CACNA1F: variants seen among roughly 807,000 people sequenced by gnomAD.
The protein encoded by CACNA1F is voltage-dependent L-type calcium channel subunit alpha-1F.
Under a neutral mutation model 143.8 loss-of-function variants are expected in CACNA1F, and 59 were observed. That is an observed-to-expected ratio of 0.41 (90% CI 0.33 to 0.51). The LOEUF (loss-of-function observed/expected upper bound fraction) is 0.51. Ranked by LOEUF, CACNA1F falls within the 20% of genes least tolerant of loss-of-function variation. The pLI is 0.22. For synonymous variants in CACNA1F, 643 were observed against 649.1 expected (o/e 0.99, Z 0.14); for missense variants, 1,411 against 1,647.5 (o/e 0.86, Z 2.48).
rs369204563 is a variant in CACNA1F, at chrX:49,210,720, G to A, written c.4389-34C>T. On this transcript the variant is annotated intron_variant, in intron 37 of 47. Transcript: ENST00000323022. ...GTTGGGGAGGTACCACTGGATTGGC[G>A]ATGCCCCCACTAGCCCTTTCTCAAG... 3.7e-4 allele frequency: 413 copies of A among 1,101,543 alleles called. 4 individuals are homozygous for A. The South Asian group carries it at 6.1e-3, about 16-fold the overall frequency. The allele number at this position is 1,101,543 out of a possible 1,213,427, so 90.8% of individuals were successfully genotyped here. A position where few individuals can be genotyped will look rare whatever the true frequency, so the allele number is the denominator to read the frequency against.
Position 49,206,317 on chromosome X carries a change from C to A in CACNA1F, c.5472+194G>T, listed in dbSNP as rs369583481. ...CTGAGGCAGGAGAATTGCTTGGACC[C>A]GGGAGGCAGGGGTTACAGTGAGCCA... On this transcript the variant is annotated intron_variant, in intron 46 of 47. Coordinates refer to ENST00000323022, the MANE Select transcript of CACNA1F (RefSeq NM_001256789.3). Among the ~76,000 whole-genome samples, 6 of 92,253 alleles carry A rather than the reference C, an allele frequency of 6.5e-5. No homozygotes were observed. The South Asian group carries it at 2.4e-3, about 37-fold the overall frequency. 80.1% of individuals were successfully genotyped at this position (92,253 alleles called of 115,157 possible).
intron 39 of CACNA1F, 68 bp from the exon 40 acceptor site, chrX:49,210,110 G>A (rs1289347505): frequency 1.3e-5 from 11 of 817,046 alleles, no homozygotes; most frequent in Non-Finnish European, 2.0e-5. Context: ...CCTCACTGTT[G>A]GGTGGGGGGA....
chrX:49,232,759 A>G (rs1471134939), intron 1 of CACNA1F, among the ~76,000 whole-genome samples: 1 of 111,182 alleles, frequency 9.0e-6, no homozygotes, highest in Non-Finnish European at 1.9e-5. Context: ...CTAACTCTAG[A>G]GCCCTCATGG....
intron 6 of CACNA1F, among the ~76,000 whole-genome samples, chrX:49,229,793 C>G (rs782062116): frequency 9.1e-6 from 1 of 109,728 alleles, no homozygotes; most frequent in African/African-American, 3.5e-5. Context: ...GGACTACAGG[C>G]GCCCGCCACC....
chrX:49,208,412 CCCT>C, intron 43 of CACNA1F, 100 bp downstream of exon 43: 1 of 247,802 alleles, frequency 4.0e-6, no homozygotes. Context: ...GGCCTCTAGG[CCCT>C]CCCTCCCACC....
Position 49,231,279 on chromosome X carries a change from TG to T in CACNA1F, c.303del (p.Ile102SerfsTer35). The T allele has an allele frequency of 8.6e-7, 1 of 1,165,603 alleles. No individual in the cohort carries two copies. On this transcript the variant is annotated frameshift_variant, in exon 3 of 48. Transcript: ENST00000323022. LOFTEE classifies it high-confidence loss of function. ...CCCAGGGCCACGCAGTTGGCAAAGA[TG>T]GTCAGCAGGATGAGGATGTCGAAGG... ...WKPFDILILL[T>X]IFANCVALGV...
At chrX:49,215,040 A>C (rs782790708) in intron 29 of CACNA1F, 46 bp downstream of exon 29, 2 of 1,139,351 alleles carry the variant, frequency 1.8e-6, no homozygotes, top group South Asian at 1.8e-5. Flanking sequence ...TTATGTGGAG[A>C]TAATAGGGTC....
rs782416307 is a variant in CACNA1F at position 49,231,586 on chromosome X, A to G, written c.275+92T>C. The G allele has an allele frequency of 2.7e-6, 3 of 1,091,305 alleles. No individual in the cohort carries two copies. In the South Asian group the frequency reaches 5.6e-5, roughly 20 times the overall value. The allele number at this position is 1,091,305 out of a possible 1,213,427, so 89.9% of individuals were successfully genotyped here. A position where few individuals can be genotyped will look rare whatever the true frequency, so the allele number is the denominator to read the frequency against. Reference sequence around the variant, plus strand: ...CTTGACTCTTGACCTTGATGATCTCAGCCCTCCTCTGTTCCAGCCCTGACC... The same window carrying G: ...CTTGACTCTTGACCTTGATGATCTCGGCCCTCCTCTGTTCCAGCCCTGACC... On this transcript the variant is annotated intron_variant, in intron 2 of 47. Coordinates refer to ENST00000323022, the MANE Select transcript of CACNA1F (RefSeq NM_001256789.3).
chrX:49,229,621 T>C (rs1472366139), intron 6 of CACNA1F, among the ~76,000 whole-genome samples: 1 of 102,747 alleles, frequency 9.7e-6, no homozygotes, highest in Admixed American at 1.0e-4. Context: ...GTTTTTGTTT[T>C]GTTTTGTTTT....
rs1430359636 is a variant in CACNA1F at position 49,231,822 on chromosome X, C to T, written c.131G>A (p.Gly44Asp). The T allele has an allele frequency of 2.5e-6, 3 of 1,203,628 alleles. No individual in the cohort carries two copies. The East Asian group carries it at 9.0e-5, about 36-fold the overall frequency. ...GTTTCTTCGCTTAGGGGTCCCTAGGCCTGATGCCCCACTGCTTTCACCTTC... is the reference window on the plus strand; with the variant it reads ...GTTTCTTCGCTTAGGGGTCCCTAGGTCTGATGCCCCACTGCTTTCACCTTC... ...AVEGESSGAS[G>D]LGTPKRRNQH... The change falls in exon 2 of 48, where the codon GGC becomes GAC. Residue 44 changes from glycine to aspartate, a missense_variant. Transcript: ENST00000323022.
intron 30 of CACNA1F, 55 bp from the exon 31 acceptor site, chrX:49,213,957 AG>A: frequency 1.1e-6 from 1 of 910,610 alleles, no homozygotes; most frequent in Non-Finnish European, 1.6e-6. Context: ...AAGCCAGGGT[AG>A]GGGGCCAGTA....
chrX:49,227,374 G>A (rs1181052630), intron 8 of CACNA1F, among the ~76,000 whole-genome samples: 1 of 111,383 alleles, frequency 9.0e-6, no homozygotes, highest in Non-Finnish European at 1.9e-5. Flanking sequence ...ACTCAGGGTG[G>A]AGTGCAGTGG....
chrX:49,220,506 C>T lies in CACNA1F; in HGVS notation c.2353G>A (p.Glu785Lys). The T allele has an allele frequency of 2.5e-6, 3 of 1,209,102 alleles. No individual in the cohort carries two copies. The highest frequency in any genetic ancestry group is 2.2e-6 in the Non-Finnish European group (2 of 893,499). The change falls in exon 19 of 48, where the codon GAG becomes AAG. Residue 785 changes from glutamate to lysine, a missense_variant. Glu to Lys is a moderately conservative substitution (Grantham distance 56). Around this residue, in one of 3 missense-constraint regions of CACNA1F, gnomAD observed 950 missense variants for 1,128.1 expected, o/e 0.84. Transcript: ENST00000323022. ...NEGLVPGVEK[E>K]EEEGARREGA... Reference sequence around the variant, plus strand: ...TCCCTCCTTGCACCCTCCTCTTCCTCTTTCTCCACACCAGGCACCTGAGGA... The same window carrying T: ...TCCCTCCTTGCACCCTCCTCTTCCTTTTTCTCCACACCAGGCACCTGAGGA...
rs1459166203 is a variant in CACNA1F, at chrX:49,222,937, C to A, written c.2077G>T (p.Val693Phe). The A allele has an allele frequency of 2.6e-6, 3 of 1,150,295 alleles. No individual in the cohort carries two copies. Among genetic ancestry groups the A allele is most frequent in the Non-Finnish European group, 3.5e-6 (3 of 853,019 alleles). The allele number at this position is 1,150,295 out of a possible 1,213,427, so 94.8% of individuals were successfully genotyped here. The change falls in exon 15 of 48, where the codon GTC becomes TTC. Residue 693 changes from valine (V) to phenylalanine (F), a missense_variant. This residue lies in a region of CACNA1F where 950 missense variants were observed against 1,128.1 expected (regional missense o/e 0.84). Transcript: ENST00000323022. ...FDTFPQALLT[V>F]FQILTGEDWN... ...TGGTCTCCAGATCCTACCTGAAAGA[C>A]AGTGAGGAGGGCCTGGGGGAACGTG... is the stretch of plus-strand genomic sequence containing the variant.
chrX:49,214,092 C>T, intron 30 of CACNA1F, 67 bp downstream of exon 30: 1 of 785,721 alleles, frequency 1.3e-6, no homozygotes. Flanking sequence ...AACCCCAGAG[C>T]TCTGCAATGA....
At chrX:49,217,861 G>A in intron 25 of CACNA1F, 37 bp downstream of exon 25, 3 of 1,191,815 alleles carry the variant, frequency 2.5e-6, no homozygotes, top group Non-Finnish European at 3.4e-6. Flanking sequence ...CTCCCGCCCA[G>A]ACCCCTGCCT....
chrX:49,209,425 G>A, intron 41 of CACNA1F, 32 bp from the exon 42 acceptor site: 1 of 1,201,048 alleles, frequency 8.3e-7, no homozygotes, highest in East Asian at 3.0e-5. Context: ...TAAGCAGGCA[G>A]CTCAGGGTCT....
In CACNA1F at chrX:49,217,812, A is replaced by G; in HGVS notation, c.3037-5T>C. On this transcript the variant is annotated splice_region_variant and splice_polypyrimidine_tract_variant and intron_variant, in intron 25 of 47. Coordinates refer to ENST00000323022, the MANE Select transcript of CACNA1F (RefSeq NM_001256789.3). Reference sequence around the variant, plus strand: ...CGTGCAGGTGTAGAATTTCCCCTGTAGAGAGGATGTCTGTCAAGTAGGTTC... The same window carrying G: ...CGTGCAGGTGTAGAATTTCCCCTGTGGAGAGGATGTCTGTCAAGTAGGTTC... 1 of 1,207,057 alleles carries G rather than the reference A, an allele frequency of 8.3e-7. No homozygotes were observed. The highest frequency in any genetic ancestry group is 1.1e-6 in the Non-Finnish European group (1 of 891,686).
chrX:49,211,775 C>T (rs1557106304), intron 35 of CACNA1F, 123 bp downstream of exon 35: 1 of 590,323 alleles, frequency 1.7e-6, no homozygotes, highest in Non-Finnish European at 2.9e-6. Flanking sequence ...AGCCAGGAAA[C>T]ATCTCGGGCT....
Sources: gnomAD v4.1 joint callset for allele counts (sites outside exome capture counted in the v4.1 genomes callset) on GRCh38, gnomAD v4.1.1 for gene constraint, gnomAD v4.1.1 regional missense constraint, MANE v1.5 for transcripts, NCBI Gene and HGNC (gene_info 2026-07-23, HGNC 2026-07-21) for gene names.